Variants in C12orf42 observed in about 807,000 individuals in gnomAD.
The protein encoded by C12orf42 is chromosome 12 open reading frame 42.
A neutral mutation model predicts 21.6 loss-of-function variants in C12orf42; 25 were observed. The observed-to-expected ratio is 1.16, with a 90% CI of 0.84 to 1.62. The LOEUF (loss-of-function observed/expected upper bound fraction) is 1.62. C12orf42 is among the 40% of genes most tolerant of loss of function. The pLI, the probability that C12orf42 is intolerant of heterozygous loss-of-function variation, is 0.00. For synonymous variants in C12orf42, 174 were observed against 175.0 expected (o/e 0.99, Z 0.05); for missense variants, 483 against 459.3 (o/e 1.05, Z -0.47).
chr12:103,130,987 A>G, the C12orf42 span, among the ~76,000 whole-genome samples: 40 of 152,222 alleles, frequency 2.6e-4, no homozygotes, highest in Non-Finnish European at 4.7e-4. Flanking sequence ...ACCTCTCTAG[A>G]AAGAATTTCT....
chr12:103,516,889 A>T, the C12orf42 span, among the ~76,000 whole-genome samples: 1 of 152,208 alleles, frequency 6.6e-6, no homozygotes, highest in African/African-American at 2.4e-5. Flanking sequence ...TATAATAGAG[A>T]GCACGGGTTC....
At chr12:103,339,798 C>G (rs1050288906) in intron 4 of C12orf42, among the ~76,000 whole-genome samples, 1 of 152,138 alleles carries the variant, frequency 6.6e-6, no homozygotes, top group Non-Finnish European at 1.5e-5. Context: ...TATGGATACT[C>G]TAACAAGATC....
At chr12:103,306,470 CA>C (rs2038342804) in intron 4 of C12orf42, 125 bp from the exon 5 acceptor site, 6 of 1,132,354 alleles carry the variant, frequency 5.3e-6, no homozygotes, top group Non-Finnish European at 7.3e-6. Flanking sequence ...TGTGAGTAAA[CA>C]AAAATGACAG....
intron 4 of C12orf42, among the ~76,000 whole-genome samples, chr12:103,365,119 A>T (rs149960255): frequency 0.03 from 4,642 of 152,198 alleles, 209 homozygotes; most frequent in African/African-American, 0.11. Context: ...CAAAAAGATA[A>T]TCCACCATGA....
chr12:103,125,377 G>A, the C12orf42 span, among the ~76,000 whole-genome samples: 3 of 152,148 alleles, frequency 2.0e-5, no homozygotes, highest in African/African-American at 4.8e-5. Flanking sequence ...GAAGAAGAAA[G>A]GGAGGTATCC....
At chr12:103,195,189 T>C in the C12orf42 span, among the ~76,000 whole-genome samples, 2 of 152,194 alleles carry the variant, frequency 1.3e-5, no homozygotes, top group Non-Finnish European at 2.9e-5. Flanking sequence ...CTTTATCCAG[T>C]CCACCACTGA....
the C12orf42 span, among the ~76,000 whole-genome samples, chr12:103,207,450 G>C: frequency 1.2e-4 from 19 of 152,316 alleles, no homozygotes; most frequent in East Asian, 3.5e-3. Flanking sequence ...GCGCACACAC[G>C]TGCGCGCGCA....
the C12orf42 span, among the ~76,000 whole-genome samples, chr12:103,093,444 G>A: frequency 6.6e-6 from 1 of 152,194 alleles, no homozygotes; most frequent in Admixed American, 6.5e-5. Context: ...GAGTTCGAAA[G>A]CCAAGACTCC....
At chr12:103,156,871 T>C in the C12orf42 span, among the ~76,000 whole-genome samples, 1 of 152,200 alleles carries the variant, frequency 6.6e-6, no homozygotes, top group Non-Finnish European at 1.5e-5. Flanking sequence ...ATCCAGTCTA[T>C]CATTGATGGG....
chr12:103,161,085 G>A, the C12orf42 span, among the ~76,000 whole-genome samples: 3 of 152,284 alleles, frequency 2.0e-5, no homozygotes, highest in South Asian at 2.1e-4. Flanking sequence ...GATCTCAGAC[G>A]CAAAACGTGT....
the C12orf42 span, among the ~76,000 whole-genome samples, chr12:103,209,911 A>G: frequency 1.3e-5 from 2 of 152,300 alleles, no homozygotes; most frequent in Middle Eastern, 6.8e-3. Flanking sequence ...TTTTGCTTTG[A>G]TCAAAGAACC....
intron 3 of C12orf42, among the ~76,000 whole-genome samples, chr12:103,399,093 A>C (rs1375091387): frequency 6.6e-6 from 1 of 151,920 alleles, no homozygotes; most frequent in African/African-American, 2.4e-5. Flanking sequence ...TATATGTCCT[A>C]TGATTTTTTA....
At chr12:103,489,897 T>C (rs1955081951) in intron 1 of C12orf42, among the ~76,000 whole-genome samples, 1 of 152,224 alleles carries the variant, frequency 6.6e-6, no homozygotes, top group Non-Finnish European at 1.5e-5. Context: ...CCTGACCCCT[T>C]GCACCTCCCA....
At chr12:103,136,070 AT>A in the C12orf42 span, among the ~76,000 whole-genome samples, 2 of 152,174 alleles carry the variant, frequency 1.3e-5, no homozygotes. Flanking sequence ...AGAGGCAAAA[AT>A]AAAACCATCC....
At chr12:103,485,584 T>C (rs1443219177) in intron 1 of C12orf42, among the ~76,000 whole-genome samples, 1 of 152,238 alleles carries the variant, frequency 6.6e-6, no homozygotes, top group East Asian at 1.9e-4. Context: ...TTTCATGATA[T>C]TGATTCTTCC....
chr12:103,153,847 C>T, the C12orf42 span, among the ~76,000 whole-genome samples: 1 of 151,850 alleles, frequency 6.6e-6, no homozygotes, highest in South Asian at 2.1e-4. Context: ...CACCAGAAAA[C>T]AAGTACCAGA....
At chr12:103,091,789 C>G in the C12orf42 span, among the ~76,000 whole-genome samples, 1 of 152,140 alleles carries the variant, frequency 6.6e-6, no homozygotes, top group Non-Finnish European at 1.5e-5. Flanking sequence ...TTTGAAATCA[C>G]CTTTTTTTCC....
intron 5 of C12orf42, among the ~76,000 whole-genome samples, chr12:103,276,960 T>G (rs2035808637): frequency 6.6e-6 from 1 of 152,170 alleles, no homozygotes; most frequent in Non-Finnish European, 1.5e-5. Context: ...TTTGAAATAT[T>G]TTTAAAAATT....
At chr12:103,309,264 C>T (rs2038706384) in intron 4 of C12orf42, among the ~76,000 whole-genome samples, 1 of 152,120 alleles carries the variant, frequency 6.6e-6, no homozygotes, top group Non-Finnish European at 1.5e-5. Flanking sequence ...AAGACCAACC[C>T]CTCCTCTTCC....
Sources: allele counts gnomAD v4.1 joint callset (sites outside exome capture counted in the v4.1 genomes callset), GRCh38; gene constraint gnomAD v4.1.1; transcripts MANE v1.5; gene names NCBI Gene and HGNC (gene_info 2026-07-23, HGNC 2026-07-21).